Variants in ZNF536 observed in about 807,000 individuals in gnomAD.
ZNF536 encodes zinc finger protein 536.
A neutral mutation model predicts 84.5 loss-of-function variants in ZNF536; 13 were observed. The observed-to-expected ratio is 0.15, with a 90% CI of 0.10 to 0.24. The LOEUF (loss-of-function observed/expected upper bound fraction) is 0.24, where lower values mean the gene tolerates loss of function less well. ZNF536 is among the 10% of genes least tolerant of loss of function. The probability of loss-of-function intolerance (pLI) is 1.00; values close to 1 mark genes in which losing one functional copy is unlikely to be tolerated. For synonymous variants in ZNF536, 811 were observed against 742.5 expected, an observed-to-expected ratio of 1.09 and a Z score of -1.50; for missense variants, 1,536 against 1,747.5, an observed-to-expected ratio of 0.88 and a Z score of 2.16.
chr19:30,305,090 G>A (rs2046304556), intron 2 of ZNF536, among the ~76,000 whole-genome samples: 1 of 152,154 alleles, frequency 6.6e-6, no homozygotes, highest in Non-Finnish European at 1.5e-5. Context: ...GAGGCTGAGG[G>A]TTTTGCTTTC....
chr19:30,483,536 G>A lies in ZNF536; in HGVS notation c.2170+37804G>A, dbSNP rs1158034576. 2.8e-5 allele frequency among the ~76,000 whole-genome samples: 4 copies of A among 143,104 alleles called. No individual in the cohort carries two copies. In the East Asian group the frequency reaches 6.7e-4, roughly 24 times the overall value. The allele number at this position is 143,104 out of a possible 152,430, so 93.9% of individuals were successfully genotyped here. A position where few individuals can be genotyped will look rare whatever the true frequency, so the allele number is the denominator to read the frequency against. ...AGAACACCCAGGGCATGGTCCAGGC[G>A]GTTCCTTCTCACACCCCTTGGAGAC... On this transcript the variant is annotated intron_variant, in intron 2 of 4. Transcript: ENST00000355537.
At chr19:30,293,991 G>C (rs1202143491) in intron 2 of ZNF536, among the ~76,000 whole-genome samples, 1 of 152,142 alleles carries the variant, frequency 6.6e-6, no homozygotes, top group African/African-American at 2.4e-5. Context: ...GTCTTGACCT[G>C]GTGTTGGTCT....
chr19:30,334,770 A>G (rs1188670805), intron 2 of ZNF536, among the ~76,000 whole-genome samples: 1 of 152,170 alleles, frequency 6.6e-6, no homozygotes, highest in Admixed American at 6.5e-5. Flanking sequence ...GATCTGTTTC[A>G]TGGAAAACAA....
intron 1 of ZNF536, among the ~76,000 whole-genome samples, chr19:30,582,520 A>G (rs1439315358): frequency 6.6e-6 from 1 of 151,396 alleles, no homozygotes; most frequent in African/African-American, 2.4e-5. Flanking sequence ...CCTCCTGAGT[A>G]CCTGGGACTA....
intron 1 of ZNF536, among the ~76,000 whole-genome samples, chr19:30,403,656 G>C (rs893493141): frequency 2.0e-5 from 3 of 152,228 alleles, no homozygotes; most frequent in Admixed American, 6.5e-5. Flanking sequence ...CAAACTTGCA[G>C]CTCTAGAAAG....
downstream of ZNF536, among the ~76,000 whole-genome samples, chr19:30,563,058 T>G (rs1024973078): frequency 6.6e-6 from 1 of 152,214 alleles, no homozygotes; most frequent in African/African-American, 2.4e-5. Context: ...TTGGAGGTTG[T>G]CGAGTCACCC....
At chr19:30,273,209 TTGTGTGTGTGTG>T (rs59032608) in intron 1 of ZNF536, among the ~76,000 whole-genome samples, 1 of 150,330 alleles carries the variant, frequency 6.7e-6, no homozygotes. Flanking sequence ...GCCATGCAGA[TTGTGTGTGTGTG>T]TGTGTGTGTG....
intron 1 of ZNF536, among the ~76,000 whole-genome samples, chr19:30,704,976 A>G (rs962930870): frequency 5.3e-5 from 8 of 151,854 alleles, no homozygotes; most frequent in African/African-American, 1.9e-4. Context: ...CCCAAAGCCA[A>G]CAGATCCCAG....
intron 2 of ZNF536, among the ~76,000 whole-genome samples, chr19:30,457,050 A>AC (rs1555771681): frequency 5.9e-5 from 9 of 151,360 alleles, no homozygotes; most frequent in African/African-American, 1.7e-4. Context: ...TCAAAAAAAA[A>AC]AAAAAACAAA....
At chr19:30,416,853 A>G (rs2050753926) in intron 1 of ZNF536, among the ~76,000 whole-genome samples, 1 of 152,126 alleles carries the variant, frequency 6.6e-6, no homozygotes, top group Non-Finnish European at 1.5e-5. Context: ...GCTTCCCTCT[A>G]CCACTGCACT....
At chr19:30,325,896 TCTAA>T (rs2047007996) in intron 2 of ZNF536, among the ~76,000 whole-genome samples, 1 of 152,120 alleles carries the variant, frequency 6.6e-6, no homozygotes, top group Non-Finnish European at 1.5e-5. Flanking sequence ...TCGCCTCTCC[TCTAA>T]CTGTGACGGG....
At chr19:30,263,016 A>T (rs2025308397) in intron 1 of ZNF536, among the ~76,000 whole-genome samples, 1 of 152,100 alleles carries the variant, frequency 6.6e-6, no homozygotes, top group South Asian at 2.1e-4. Context: ...GTTCAGGGTG[A>T]TAGAGAACTC....
At chr19:30,239,603 T>A (rs2023790667) in intron 1 of ZNF536, among the ~76,000 whole-genome samples, 1 of 152,196 alleles carries the variant, frequency 6.6e-6, no homozygotes, top group African/African-American at 2.4e-5. Context: ...GGGGGAGACT[T>A]GTCCTGTGCA....
chr19:30,410,465 C>CTTTTTTTTTTTTTTTTTTTTT (rs201561646), intron 1 of ZNF536, among the ~76,000 whole-genome samples: 1 of 122,632 alleles, frequency 8.2e-6, no homozygotes, highest in African/African-American at 4.0e-5. Context: ...AAGTGAAGGT[C>CTTTTTTTTTTTTTTTTTTTTT]TTTTTTTTTT....
At chr19:30,545,850 C>T (rs931448238) in intron 3 of ZNF536, among the ~76,000 whole-genome samples, 1 of 152,170 alleles carries the variant, frequency 6.6e-6, no homozygotes, top group African/African-American at 2.4e-5. Flanking sequence ...AATGAATGCC[C>T]GTGCTTTCTC....
At chr19:30,669,427 G>C (rs1353773563) in intron 1 of ZNF536, among the ~76,000 whole-genome samples, 1 of 152,244 alleles carries the variant, frequency 6.6e-6, no homozygotes, top group Non-Finnish European at 1.5e-5. Context: ...GCCGTGGTCA[G>C]CTTCCCCGGG....
chr19:30,371,270 G>T (rs1335643609), upstream of ZNF536, among the ~76,000 whole-genome samples: 1 of 152,132 alleles, frequency 6.6e-6, no homozygotes, highest in Non-Finnish European at 1.5e-5. Flanking sequence ...CCTGTGGCAC[G>T]AGAGGATAAG....
At chr19:30,293,323 T>TG (rs2045900359) in intron 2 of ZNF536, among the ~76,000 whole-genome samples, 1 of 152,114 alleles carries the variant, frequency 6.6e-6, no homozygotes, top group Non-Finnish European at 1.5e-5. Context: ...GGACAAAGCG[T>TG]GGATAGTTAT....
intron 1 of ZNF536, among the ~76,000 whole-genome samples, chr19:30,401,697 CTATTCAAAGAGGGGGAA>C (rs1392720463): frequency 6.6e-6 from 1 of 152,038 alleles, no homozygotes; most frequent in African/African-American, 2.4e-5. Flanking sequence ...TTTTCTATTT[CTATTCAAAGAGGGGGAA>C]AGGTAACTGG....
Sources: gnomAD v4.1 joint callset for allele counts (sites outside exome capture counted in the v4.1 genomes callset) on GRCh38, gnomAD v4.1.1 for gene constraint, MANE v1.5 for transcripts, NCBI Gene and HGNC (gene_info 2026-07-23, HGNC 2026-07-21) for gene names.